Variants in CNKSR2 observed in about 807,000 individuals in gnomAD.
The protein encoded by CNKSR2 is connector enhancer of kinase suppressor of Ras 2, also known as CNK homolog protein 2.
A neutral mutation model predicts 84.4 loss-of-function variants in CNKSR2; 14 were observed. The ratio of observed to expected loss-of-function variants is 0.17; its 90% CI spans 0.11 to 0.26. The LOEUF (loss-of-function observed/expected upper bound fraction) is 0.26. CNKSR2 is among the 10% of genes least tolerant of loss of function. CNKSR2 has a pLI of 1.00. For synonymous variants in CNKSR2, 275 were observed against 277.9 expected, an observed-to-expected ratio of 0.99 and a Z score of 0.10; for missense variants, 485 against 771.2, an observed-to-expected ratio of 0.63 and a Z score of 4.40.
chrX:21,532,724 A>G (rs1287819098), intron 11 of CNKSR2, among the ~76,000 whole-genome samples: 3 of 111,856 alleles, frequency 2.7e-5, no homozygotes, highest in Non-Finnish European at 3.8e-5. Context: ...TTGCAGATAA[A>G]GTTGCTTAAA....
intron 5 of CNKSR2, among the ~76,000 whole-genome samples, chrX:21,484,708 G>A (rs1016659668): frequency 9.0e-6 from 1 of 111,476 alleles, no homozygotes; most frequent in African/African-American, 3.3e-5. Flanking sequence ...TTATTCATTT[G>A]TTCCAGTATA....
intron 9 of CNKSR2, among the ~76,000 whole-genome samples, chrX:21,519,758 C>T (rs2091764032): frequency 9.0e-6 from 1 of 110,917 alleles, no homozygotes; most frequent in South Asian, 3.8e-4. Flanking sequence ...AAAATACTAT[C>T]CCAGGCTTAA....
intron 9 of CNKSR2, among the ~76,000 whole-genome samples, chrX:21,524,179 T>C (rs1263798889): frequency 9.0e-6 from 1 of 110,913 alleles, no homozygotes; most frequent in African/African-American, 3.3e-5. Context: ...GTACAAGGCA[T>C]ACTGATGAGC....
intron 13 of CNKSR2, among the ~76,000 whole-genome samples, chrX:21,578,322 C>G (rs775345487): frequency 9.0e-6 from 1 of 111,398 alleles, no homozygotes; most frequent in East Asian, 2.8e-4. Flanking sequence ...TTTCATAAAT[C>G]TAGAGTGGTC....
At chrX:21,650,485 T>C (rs2092718297) in intron 21 of CNKSR2, among the ~76,000 whole-genome samples, 1 of 108,521 alleles carries the variant, frequency 9.2e-6, no homozygotes, top group South Asian at 4.2e-4. Context: ...AGATGATGGG[T>C]TGATGGGTGC....
intron 4 of CNKSR2, among the ~76,000 whole-genome samples, chrX:21,465,019 CTG>C (rs1231947063): frequency 8.9e-6 from 1 of 112,033 alleles, no homozygotes; most frequent in Non-Finnish European, 1.9e-5. Context: ...TTCTTATTGA[CTG>C]TGCATTTGTT....
intron 20 of CNKSR2, among the ~76,000 whole-genome samples, chrX:21,615,566 G>A (rs2092573046): frequency 9.0e-6 from 1 of 111,648 alleles, no homozygotes. Flanking sequence ...ATTCAATGAA[G>A]TGATGTCAGA....
intron 11 of CNKSR2, among the ~76,000 whole-genome samples, chrX:21,549,957 A>G (rs893014500): frequency 3.6e-5 from 4 of 112,391 alleles, no homozygotes; most frequent in Non-Finnish European, 7.5e-5. Flanking sequence ...ACCTAAAACC[A>G]TAAAAACCCT....
intron 8 of CNKSR2, among the ~76,000 whole-genome samples, chrX:21,513,461 G>A (rs1257903599): frequency 8.9e-6 from 1 of 112,116 alleles, no homozygotes; most frequent in Non-Finnish European, 1.9e-5. Flanking sequence ...TTTGACCTAT[G>A]CAAGAATATT....
intron 17 of CNKSR2, among the ~76,000 whole-genome samples, chrX:21,599,040 C>G (rs1463277809): frequency 5.3e-5 from 6 of 112,965 alleles, no homozygotes; most frequent in African/African-American, 1.9e-4. Flanking sequence ...TATATCCACA[C>G]ACTTTCTAAA....
intron 13 of CNKSR2, among the ~76,000 whole-genome samples, chrX:21,584,655 C>T (rs775833350): frequency 9.0e-6 from 1 of 111,320 alleles, no homozygotes; most frequent in Non-Finnish European, 1.9e-5. Context: ...GAGTGAGCCA[C>T]AACAACATCT....
chrX:21,374,611 CAGCA>C lies in CNKSR2; in HGVS notation c.-286_-283del, dbSNP rs1489479884. 1 of 502,290 alleles carries C rather than the reference CAGCA, an allele frequency of 2.0e-6. No homozygotes were observed. The highest frequency in any genetic ancestry group is 2.4e-5 in the African/African-American group (1 of 42,231). The allele number at this position is 502,290 out of a possible 1,213,427, so 41.4% of individuals were successfully genotyped here. A position where few individuals can be genotyped will look rare whatever the true frequency, so the allele number is the denominator to read the frequency against. ...GCGGCGGAGGCAGCAGCAGCAGCAGCAGCAGCAGCAGCAGCAGCAGCCGCCGCCG... is the reference window on the plus strand; with the variant it reads ...GCGGCGGAGGCAGCAGCAGCAGCAGCGCAGCAGCAGCAGCAGCCGCCGCCG... On this transcript the variant is annotated 5_prime_UTR_variant, in exon 1 of 22. Transcript: ENST00000379510.
intron 5 of CNKSR2, among the ~76,000 whole-genome samples, chrX:21,481,061 T>C (rs1195963429): frequency 2.7e-5 from 3 of 112,105 alleles, no homozygotes; most frequent in Non-Finnish European, 3.8e-5. Context: ...ATAGAGATAA[T>C]AGCAGTATTT....
At chrX:21,532,628 C>T (rs1210762856) in intron 11 of CNKSR2, among the ~76,000 whole-genome samples, 1 of 110,721 alleles carries the variant, frequency 9.0e-6, no homozygotes, top group Non-Finnish European at 1.9e-5. Flanking sequence ...TTATGATGGG[C>T]ACAGGATTGT....
intron 1 of CNKSR2, among the ~76,000 whole-genome samples, chrX:21,389,927 T>C (rs762416967): frequency 1.8e-4 from 20 of 112,776 alleles, no homozygotes; most frequent in Non-Finnish European, 3.2e-4. Flanking sequence ...TAGCATTTTT[T>C]ACCTTTTGCT....
intron 20 of CNKSR2, among the ~76,000 whole-genome samples, chrX:21,640,620 T>C (rs1169379810): frequency 9.0e-6 from 1 of 111,731 alleles, no homozygotes; most frequent in Non-Finnish European, 1.9e-5. Flanking sequence ...CAACATGCTT[T>C]CTCTATTCTC....
intron 9 of CNKSR2, among the ~76,000 whole-genome samples, chrX:21,517,476 A>AT (rs2091739471): frequency 9.0e-6 from 1 of 110,850 alleles, no homozygotes; most frequent in African/African-American, 3.3e-5. Context: ...TTGCACTAGA[A>AT]TTTTTGCATT....
rs202177567 is a variant in CNKSR2 at position 21,415,833 on chromosome X, T to C, written c.65-10664T>C. Among the ~76,000 whole-genome samples, 741 of 88,222 alleles carry C rather than the reference T, an allele frequency of 8.4e-3. 8 individuals are homozygous for C. The highest frequency in any genetic ancestry group is 0.025 in the African/African-American group (589 of 23,755). The allele number at this position is 88,222 out of a possible 115,157, so 76.6% of individuals were successfully genotyped here. On this transcript the variant is annotated intron_variant, in intron 1 of 21. Coordinates refer to ENST00000379510, the MANE Select transcript of CNKSR2 (RefSeq NM_014927.5). ...TATATACAATACATATATACATATA[T>C]ACACACACACACACACACACACACA...
intron 1 of CNKSR2, among the ~76,000 whole-genome samples, chrX:21,411,217 T>C (rs916011486): frequency 9.0e-6 from 1 of 111,217 alleles, no homozygotes; most frequent in Non-Finnish European, 1.9e-5. Context: ...TTTGAATTCT[T>C]TTTCAGGAGA....
Sources: allele counts gnomAD v4.1 joint callset (sites outside exome capture counted in the v4.1 genomes callset), GRCh38; gene constraint gnomAD v4.1.1; transcripts MANE v1.5; gene names NCBI Gene and HGNC (gene_info 2026-07-23, HGNC 2026-07-21).